Variants in FAAH2 observed in about 807,000 individuals in gnomAD.
The protein encoded by FAAH2 is fatty-acid amide hydrolase 2.
FAAH2 carries 60 observed loss-of-function variants against 36.9 expected under a neutral mutation model. The observed-to-expected ratio is 1.63, with a 90% confidence interval of 1.32 to 2.02. The LOEUF (loss-of-function observed/expected upper bound fraction) is 2.02, where lower values mean the gene tolerates loss of function less well. FAAH2 is among the 30% of genes most tolerant of loss of function. FAAH2 has a pLI of 0.00. For missense variants in FAAH2, 689 were observed against 397.5 expected (o/e 1.73, Z -6.23); for synonymous variants, 214 against 143.8 (o/e 1.49, Z -3.49).
chrX:57,172,237 G>GT, the FAAH2 span, among the ~76,000 whole-genome samples: 13 of 111,557 alleles, frequency 1.2e-4, no homozygotes, highest in Admixed American at 3.8e-4. Flanking sequence ...TTTTTGGGTT[G>GT]TTTTTTGGTT....
the FAAH2 span, among the ~76,000 whole-genome samples, chrX:57,235,279 AAAAG>A: frequency 9.0e-6 from 1 of 111,515 alleles, no homozygotes; most frequent in African/African-American, 3.3e-5. Context: ...TTGCTAGAGA[AAAAG>A]AAAGAAAAAA....
chrX:57,264,410 G>A, the FAAH2 span, among the ~76,000 whole-genome samples: 1 of 111,987 alleles, frequency 8.9e-6, no homozygotes, highest in Non-Finnish European at 1.9e-5. Flanking sequence ...ACGCATATGC[G>A]GCCAACAAGC....
At chrX:57,235,975 G>A in the FAAH2 span, among the ~76,000 whole-genome samples, 2 of 112,194 alleles carry the variant, frequency 1.8e-5, no homozygotes, top group Non-Finnish European at 3.8e-5. Context: ...TGTACCAATT[G>A]AGCAAATGTT....
rs761956420 is a variant in FAAH2, at chrX:57,286,848, G to A, written c.23G>A (p.Arg8His). 1.7e-6 allele frequency: 2 copies of A among 1,185,363 alleles called. No individual in the cohort carries two copies. Among genetic ancestry groups the A allele is most frequent in the Non-Finnish European group, 1.1e-6 (1 of 881,056 alleles). MAPSFTARIQLFLLRALG... is the reference protein window; with the variant it reads MAPSFTAHIQLFLLRALG... ...GCGATGGCACCTTCATTTACCGCCC[G>A]CATTCAGTTGTTCCTCTTGCGGGCG... Residue 8 changes from arginine (R) to histidine (H), a missense_variant, in exon 1 of 11, where the codon CGC becomes CAC. By Grantham distance (29) the Arg-to-His change is conservative (BLOSUM62 0). Coordinates refer to ENST00000374900, the MANE Select transcript of FAAH2 (RefSeq NM_174912.4).
At chrX:57,216,698 C>T in the FAAH2 span, among the ~76,000 whole-genome samples, 3 of 87,128 alleles carry the variant, frequency 3.4e-5, no homozygotes, top group Admixed American at 1.4e-4. Flanking sequence ...GTTGGTTGCA[C>T]GATTTTGCAA....
At chrX:57,326,448 C>G (rs1426262417) in intron 3 of FAAH2, among the ~76,000 whole-genome samples, 1 of 114,048 alleles carries the variant, frequency 8.8e-6, no homozygotes, top group East Asian at 2.7e-4. Flanking sequence ...GTGTTAAAGT[C>G]TCCCATTATT....
the FAAH2 span, among the ~76,000 whole-genome samples, chrX:57,138,224 TAC>T: frequency 9.0e-6 from 1 of 111,702 alleles, no homozygotes; most frequent in African/African-American, 3.3e-5. Context: ...TTTTGTGAGT[TAC>T]AGTTTTTCAC....
chrX:57,408,504 C>A (rs2055620766), intron 7 of FAAH2, among the ~76,000 whole-genome samples: 1 of 109,067 alleles, frequency 9.2e-6, no homozygotes, highest in Non-Finnish European at 1.9e-5. Flanking sequence ...TCTGCAAACA[C>A]AATTTTGCAT....
chrX:57,333,759 C>T, intron 4 of FAAH2, among the ~76,000 whole-genome samples: 1 of 111,070 alleles, frequency 9.0e-6, no homozygotes, highest in East Asian at 2.8e-4. Flanking sequence ...ACAGAAGAGA[C>T]TATCTAATAA....
chrX:57,124,520 G>T, the FAAH2 span, among the ~76,000 whole-genome samples: 5 of 111,923 alleles, frequency 4.5e-5, no homozygotes, highest in Admixed American at 3.8e-4. Context: ...CTTTAAAGCA[G>T]TTTTTTCCAA....
intron 3 of FAAH2, among the ~76,000 whole-genome samples, chrX:57,320,643 A>G (rs1365730050): frequency 8.9e-6 from 1 of 112,657 alleles, no homozygotes; most frequent in Non-Finnish European, 1.9e-5. Context: ...TAGAAATACC[A>G]TTTGATCCAT....
At chrX:57,376,645 G>A (rs1254472222) in intron 5 of FAAH2, among the ~76,000 whole-genome samples, 15 of 111,594 alleles carry the variant, frequency 1.3e-4, no homozygotes, top group East Asian at 8.4e-4. Flanking sequence ...AGTAGAATGC[G>A]TTATAATTCT....
chrX:57,125,441 G>T, the FAAH2 span, among the ~76,000 whole-genome samples: 6 of 111,496 alleles, frequency 5.4e-5, no homozygotes, highest in African/African-American at 2.0e-4. Context: ...GGGGTTGGGG[G>T]GTTACCAAGG....
At chrX:57,244,240 A>G in the FAAH2 span, among the ~76,000 whole-genome samples, 1 of 110,500 alleles carries the variant, frequency 9.0e-6, no homozygotes, top group Non-Finnish European at 1.9e-5. Flanking sequence ...AGTATATGGG[A>G]CCATGTGAAA....
rs185043222 is a variant in FAAH2, at chrX:57,323,724, T to C, written c.413-7874T>C. On this transcript the variant is annotated intron_variant, in intron 3 of 10. Coordinates refer to ENST00000374900, the MANE Select transcript of FAAH2 (RefSeq NM_174912.4). ...TTTGTAAACTTGTTTGAGTTCTTTGTAGATTCTGGATATTAGCCCTTTGTC... is the reference window on the plus strand; with the variant it reads ...TTTGTAAACTTGTTTGAGTTCTTTGCAGATTCTGGATATTAGCCCTTTGTC... Among the ~76,000 whole-genome samples the C allele has an allele frequency of 3.6e-3, 366 of 102,891 alleles. 3 individuals are homozygous for C. The highest frequency in any genetic ancestry group is 0.013 in the African/African-American group (352 of 27,930). The allele number at this position is 102,891 out of a possible 115,157, so 89.3% of individuals were successfully genotyped here. A position where few individuals can be genotyped will look rare whatever the true frequency, so the allele number is the denominator to read the frequency against.
chrX:57,153,700 T>G, the FAAH2 span, among the ~76,000 whole-genome samples: 1 of 112,652 alleles, frequency 8.9e-6, no homozygotes, highest in East Asian at 2.8e-4. Context: ...CCCCAATTCC[T>G]TCTAGCTCGT....
chrX:57,154,603 A>G, the FAAH2 span, among the ~76,000 whole-genome samples: 1 of 109,955 alleles, frequency 9.1e-6, no homozygotes, highest in African/African-American at 3.3e-5. Context: ...TATTTTTTTA[A>G]ATTGGATGTC....
In FAAH2 at chrX:57,461,965, A is replaced by T. The variant is rs760669291; in HGVS notation, c.1423+13247A>T. ...GACACAATAAAAAATGATAAAGGGA[A>T]TGTCACCACTGATCCCACAGAAATA... On this transcript the variant is annotated intron_variant, in intron 10 of 10. Transcript: ENST00000374900. 9.1e-5 allele frequency among the ~76,000 whole-genome samples: 10 copies of T among 110,351 alleles called. 1 individual carries two copies. In the South Asian group the frequency reaches 3.9e-3, roughly 43 times the overall value.
At chrX:57,146,677 T>C in the FAAH2 span, among the ~76,000 whole-genome samples, 2 of 112,218 alleles carry the variant, frequency 1.8e-5, no homozygotes, top group Admixed American at 1.9e-4. Flanking sequence ...CTTTTCTCCA[T>C]TCAGTATAAT....
Sources: allele counts gnomAD v4.1 joint callset (sites outside exome capture counted in the v4.1 genomes callset), GRCh38; gene constraint gnomAD v4.1.1; transcripts MANE v1.5; gene names NCBI Gene and HGNC (gene_info 2026-07-23, HGNC 2026-07-21).